SLC12A2: variants seen among roughly 807,000 people sequenced by gnomAD.
The protein encoded by SLC12A2 is Na-K-2Cl cotransporter 1.
SLC12A2 carries 67 observed loss-of-function variants against 136.3 expected under a neutral mutation model. The ratio of observed to expected loss-of-function variants is 0.49; its 90% CI spans 0.40 to 0.60. The LOEUF is 0.60. Ranked by LOEUF, SLC12A2 falls within the 20% of genes least tolerant of loss-of-function variation. The pLI is 0.00. For synonymous variants in SLC12A2, 619 were observed against 562.9 expected (o/e 1.10, Z -1.41); for missense variants, 1,322 against 1,534.7 (o/e 0.86, Z 2.32).
intron 1 of SLC12A2, among the ~76,000 whole-genome samples, chr5:128,094,262 A>G (rs1162994748): frequency 6.6e-6 from 1 of 150,996 alleles, no homozygotes; most frequent in African/African-American, 2.4e-5. Context: ...CCCTCAATCG[A>G]TACATATTGA....
Position 128,110,819 on chromosome 5 carries a change from G to T in SLC12A2, c.757-1995G>T. On this transcript the variant is annotated intron_variant, in intron 1 of 26. Transcript: ENST00000262461. ...GCAAAAGCAGGACAAGAATTTGCAA[G>T]AAATAATCTCATGGATGATGACATA... The T allele has an allele frequency of 4.1e-6, 6 of 1,476,788 alleles. No individual in the cohort carries two copies. In the Admixed American group the frequency reaches 1.0e-4, roughly 25 times the overall value. The allele number at this position is 1,476,788 out of a possible 1,614,324, so 91.5% of individuals were successfully genotyped here.
At chr5:128,158,637 T>A (rs1762937686) in intron 16 of SLC12A2, among the ~76,000 whole-genome samples, 1 of 152,210 alleles carries the variant, frequency 6.6e-6, no homozygotes, top group Non-Finnish European at 1.5e-5. Flanking sequence ...ATGTCTTTGA[T>A]GTTGTGAATA....
rs763141269 is a variant in SLC12A2 at position 128,084,340 on chromosome 5, C to A, written c.386C>A (p.Ala129Asp). The A allele has an allele frequency of 2.3e-5, 36 of 1,582,898 alleles. No individual in the cohort carries two copies. The highest frequency in any genetic ancestry group is 3.1e-5 in the Non-Finnish European group (36 of 1,169,072). ...GAAGCCAGCGGCGAGAGCGAGCCGGCTAAAGGCAGCGAGGAAGCCAAGGGC... is the reference window on the plus strand; with the variant it reads ...GAAGCCAGCGGCGAGAGCGAGCCGGATAAAGGCAGCGAGGAAGCCAAGGGC... ...DGEASGESEP[A>D]KGSEEAKGRF... Residue 129 changes from alanine to aspartate, a missense_variant, in exon 1 of 27, where the codon GCT becomes GAT. By Grantham distance (126) the Ala-to-Asp change is moderately radical (BLOSUM62 -2). Around this residue, in one of 8 missense-constraint regions of SLC12A2, gnomAD observed 358 missense variants for 299.7 expected, o/e 1.19. Coordinates refer to ENST00000262461, the MANE Select transcript of SLC12A2 (RefSeq NM_001046.3). The surrounding 1 kb of genome is among the most constrained non-coding windows in gnomAD (Gnocchi z 5.6).
intron 16 of SLC12A2, among the ~76,000 whole-genome samples, chr5:128,160,054 A>G (rs1222958359): frequency 6.6e-6 from 1 of 152,254 alleles, no homozygotes; most frequent in Admixed American, 6.5e-5. Context: ...AATACTATGC[A>G]GCCATAAAAA....
rs761150347 is a variant in SLC12A2 at position 128,186,614 on chromosome 5, C to G, written c.3622C>G (p.Leu1208Val). Residue 1208 changes from leucine (L) to valine (V), a missense_variant, in exon 27 of 27, where the codon CTT becomes GTT. Leu to Val is a conservative substitution (Grantham distance 32). Transcript: ENST00000262461. ...AGTTCGTGGGAATCATCAGAGTGTCCTTACCTTCTATTCATAAATGTTCTA... is the reference window on the plus strand; with the variant it reads ...AGTTCGTGGGAATCATCAGAGTGTCGTTACCTTCTATTCATAAATGTTCTA... ...LLVRGNHQSV[L>V]TFYS 20 of 1,613,942 alleles carry G rather than the reference C, an allele frequency of 1.2e-5. No individual in the cohort carries two copies. The Admixed American group carries it at 3.3e-4, about 27-fold the overall frequency.
chr5:128,088,013 G>GTC (rs1427902920), intron 1 of SLC12A2, among the ~76,000 whole-genome samples: 1 of 149,902 alleles, frequency 6.7e-6, no homozygotes, highest in Non-Finnish European at 1.5e-5. Context: ...GGCTCTGTGT[G>GTC]TGTGTGTGTG....
chr5:128,152,380 A>G (rs1418490502), intron 14 of SLC12A2, among the ~76,000 whole-genome samples: 3 of 152,210 alleles, frequency 2.0e-5, no homozygotes. Flanking sequence ...AAATTTGCTC[A>G]TTTCCATTTA....
intron 1 of SLC12A2, among the ~76,000 whole-genome samples, chr5:128,104,138 C>T (rs1760838770): frequency 6.6e-6 from 1 of 152,040 alleles, no homozygotes; most frequent in African/African-American, 2.4e-5. Context: ...GAAGAGAAAA[C>T]CTAGTTTGAC....
intron 21 of SLC12A2, chr5:128,177,788 T>G (rs1325562707): frequency 6.6e-6 from 1 of 152,108 alleles, no homozygotes; most frequent in East Asian, 1.9e-4. Flanking sequence ...CTTTTAAAAT[T>G]TTGGTGTAGG....
chr5:128,161,473 C>A (rs553673122), intron 16 of SLC12A2, among the ~76,000 whole-genome samples, 187 bp from the exon 17 acceptor site: 1 of 152,168 alleles, frequency 6.6e-6, no homozygotes, highest in South Asian at 2.1e-4. Context: ...CTTAGCTATT[C>A]CATCACCTCT....
intron 26 of SLC12A2, among the ~76,000 whole-genome samples, chr5:128,185,203 C>G (rs1763829691): frequency 6.6e-6 from 1 of 152,042 alleles, no homozygotes; most frequent in Non-Finnish European, 1.5e-5. Context: ...AAATTTGGGC[C>G]CCGGACAGCT....
intron 1 of SLC12A2, among the ~76,000 whole-genome samples, chr5:128,093,735 A>G (rs770620792): frequency 6.6e-6 from 1 of 152,128 alleles, no homozygotes; most frequent in Non-Finnish European, 1.5e-5. Flanking sequence ...ATTTTTTGAC[A>G]TTGAAAGTAA....
rs545609642 is a variant in SLC12A2, at chr5:128,098,884, T to G, written c.757-13930T>G. ...TTTTTCTGAAGATTTTCACTTAATT[T>G]CCAATTCCTCTGTTGACTTTGGGCT... On this transcript the variant is annotated intron_variant, in intron 1 of 26. Transcript: ENST00000262461. Among the ~76,000 whole-genome samples the G allele has an allele frequency of 1.1e-4, 16 of 152,250 alleles. No homozygotes were observed. In the South Asian group the frequency reaches 3.1e-3, roughly 30 times the overall value.
chr5:128,088,322 A>G (rs144105535), intron 1 of SLC12A2, among the ~76,000 whole-genome samples: 85 of 152,312 alleles, frequency 5.6e-4, no homozygotes, highest in African/African-American at 2.0e-3. Flanking sequence ...AGCTGATGCT[A>G]GGAATTGATT....
chr5:128,161,812 A>G lies in SLC12A2; in HGVS notation c.2616+12A>G. ...AGTATTTGATGCAGGTAACTTTGTT[A>G]ATGCTTTTCAAATGCCTACATTTTA... On this transcript the variant is annotated intron_variant, in intron 17 of 26. Coordinates refer to ENST00000262461, the MANE Select transcript of SLC12A2 (RefSeq NM_001046.3). 1 of 1,408,898 alleles carries G rather than the reference A, an allele frequency of 7.1e-7. No individual in the cohort carries two copies. The highest frequency in any genetic ancestry group is 1.5e-5 in the African/African-American group (1 of 67,340). The allele number at this position is 1,408,898 out of a possible 1,614,324, so 87.3% of individuals were successfully genotyped here.
At chr5:128,109,616 C>A in intron 1 of SLC12A2, 1 of 761,928 alleles carries the variant, frequency 1.3e-6, no homozygotes, top group Admixed American at 1.8e-5. Context: ...CATCGTCCTT[C>A]CTACCCAGTA....
intron 1 of SLC12A2, among the ~76,000 whole-genome samples, chr5:128,087,323 C>T (rs569275083): frequency 6.6e-6 from 1 of 152,268 alleles, no homozygotes; most frequent in South Asian, 2.1e-4. Context: ...GATTAGCAAA[C>T]CAGTTACTGC....
chr5:128,182,908 T>C lies in SLC12A2; in HGVS notation c.3266T>C (p.Leu1089Pro). Residue 1089 changes from leucine to proline, a missense_variant, in exon 24 of 27, where the codon CTA becomes CCA. By Grantham distance (98) the Leu-to-Pro change is moderately conservative. Coordinates refer to ENST00000262461, the MANE Select transcript of SLC12A2 (RefSeq NM_001046.3). Reference sequence around the variant, plus strand: ...ATAGACTTTTCTGATATCATGGTTCTAGGAGATATCAATACCAAACCAAAG... The same window carrying C: ...ATAGACTTTTCTGATATCATGGTTCCAGGAGATATCAATACCAAACCAAAG... ...FRIDFSDIMV[L>P]GDINTKPKKE... 3.1e-6 allele frequency: 5 copies of C among 1,610,854 alleles called. No individual in the cohort carries two copies. The highest frequency in any genetic ancestry group is 4.2e-6 in the Non-Finnish European group (5 of 1,177,934).
At chr5:128,115,520 C>T (rs1199575717) in intron 4 of SLC12A2, among the ~76,000 whole-genome samples, 1 of 152,094 alleles carries the variant, frequency 6.6e-6, no homozygotes, top group Non-Finnish European at 1.5e-5. Flanking sequence ...GAGATTTTTA[C>T]CCTCCCTAGG....
Sources: allele counts gnomAD v4.1 joint callset (sites outside exome capture counted in the v4.1 genomes callset), GRCh38; gene constraint gnomAD v4.1.1; regional missense constraint gnomAD v4.1.1; non-coding constraint Gnocchi (gnomAD v3.1); transcripts MANE v1.5; gene names NCBI Gene and HGNC (gene_info 2026-07-23, HGNC 2026-07-21).